Variants in TENM4 observed in about 807,000 individuals in gnomAD.
TENM4 encodes the protein teneurin-4.
Under a neutral mutation model 243.3 loss-of-function variants are expected in TENM4, and 82 were observed. That is an observed-to-expected ratio of 0.34 (90% CI 0.28 to 0.40). The LOEUF (loss-of-function observed/expected upper bound fraction) is 0.40, where lower values mean the gene tolerates loss of function less well. Ranked by LOEUF, TENM4 falls within the 10% of genes least tolerant of loss-of-function variation. The probability of loss-of-function intolerance (pLI) is 1.00; values close to 1 mark genes in which losing one functional copy is unlikely to be tolerated. For synonymous variants in TENM4, 1,412 were observed against 1,456.3 expected, an observed-to-expected ratio of 0.97 and a Z score of 0.69; for missense variants, 3,138 against 3,673.3, an observed-to-expected ratio of 0.85 and a Z score of 3.77.
At chr11:79,155,195 G>A (rs963906834) in intron 3 of TENM4, among the ~76,000 whole-genome samples, 13 of 152,178 alleles carry the variant, frequency 8.5e-5, no homozygotes, top group Non-Finnish European at 1.9e-4. Flanking sequence ...AAGAGGGACA[G>A]ATCCGGAGTA....
chr11:78,856,875 A>G (rs1858693200), intron 10 of TENM4, among the ~76,000 whole-genome samples: 1 of 152,202 alleles, frequency 6.6e-6, no homozygotes. Context: ...CCAAGTTCAC[A>G]CACCAAGCCT....
chr11:78,705,799 A>G (rs1048146433), intron 27 of TENM4, among the ~76,000 whole-genome samples: 1 of 152,206 alleles, frequency 6.6e-6, no homozygotes, highest in Non-Finnish European at 1.5e-5. Context: ...CAATTGCTAC[A>G]TGTGTCACCT....
intron 3 of TENM4, among the ~76,000 whole-genome samples, chr11:79,150,372 A>G (rs1315589267): frequency 6.6e-6 from 1 of 152,130 alleles, no homozygotes; most frequent in Non-Finnish European, 1.5e-5. Context: ...ATGTCTATCA[A>G]AGCAGGCATG....
intron 4 of TENM4, among the ~76,000 whole-genome samples, chr11:79,147,651 T>C (rs1862418616): frequency 6.6e-6 from 1 of 152,074 alleles, no homozygotes; most frequent in South Asian, 2.1e-4. Flanking sequence ...TTACTTATAA[T>C]CATACTAGCA....
At chr11:79,249,866 C>G (rs559896338) in intron 2 of TENM4, among the ~76,000 whole-genome samples, 1 of 152,208 alleles carries the variant, frequency 6.6e-6, no homozygotes, top group Non-Finnish European at 1.5e-5. Context: ...GTAACTGGCA[C>G]CAAATAGGAG....
intron 6 of TENM4, among the ~76,000 whole-genome samples, chr11:79,010,888 G>A (rs1010382049): frequency 2.0e-5 from 3 of 152,150 alleles, no homozygotes; most frequent in Admixed American, 2.0e-4. Flanking sequence ...CAATGTTTAG[G>A]AGAAAGAAGA....
intron 20 of TENM4, among the ~76,000 whole-genome samples, chr11:78,736,610 T>C (rs747265983): frequency 2.6e-5 from 4 of 152,182 alleles, no homozygotes; most frequent in Non-Finnish European, 5.9e-5. Flanking sequence ...TTCCAGACTA[T>C]ATCTCTTAGT....
intron 28 of TENM4, among the ~76,000 whole-genome samples, chr11:78,694,348 C>G (rs181493850): frequency 8.7e-4 from 132 of 152,318 alleles, no homozygotes; most frequent in Admixed American, 1.6e-3. Context: ...GTTCCCCTGG[C>G]CCATGTCACT....
chr11:78,817,191 A>G (rs557861487), intron 12 of TENM4, among the ~76,000 whole-genome samples: 2 of 152,308 alleles, frequency 1.3e-5, no homozygotes, highest in Non-Finnish European at 2.9e-5. Context: ...CGTGGGCTTG[A>G]AAAATGGCTT....
chr11:79,050,230 G>A (rs1859760780), intron 6 of TENM4, among the ~76,000 whole-genome samples: 1 of 152,178 alleles, frequency 6.6e-6, no homozygotes, highest in Non-Finnish European at 1.5e-5. Flanking sequence ...GACTCTTGAA[G>A]AGCTTTTGAA....
At chr11:79,432,713 T>G (rs1859194111) in intron 1 of TENM4, among the ~76,000 whole-genome samples, 1 of 152,224 alleles carries the variant, frequency 6.6e-6, no homozygotes, top group South Asian at 2.1e-4. Context: ...AATTTTTACA[T>G]GTCTCGATCC....
chr11:78,844,783 C>T (rs1445080787), intron 12 of TENM4, among the ~76,000 whole-genome samples: 2 of 152,300 alleles, frequency 1.3e-5, no homozygotes, highest in South Asian at 2.1e-4. Context: ...ACCAACCCTG[C>T]CAGTACCTTG....
chr11:78,865,818 C>T (rs1444722753), intron 9 of TENM4, among the ~76,000 whole-genome samples: 1 of 152,194 alleles, frequency 6.6e-6, no homozygotes, highest in Non-Finnish European at 1.5e-5. Flanking sequence ...AGGAAAGAAA[C>T]TAGTTTTGAA....
At chr11:79,256,034 T>C (rs1855695736) in intron 2 of TENM4, among the ~76,000 whole-genome samples, 1 of 152,204 alleles carries the variant, frequency 6.6e-6, no homozygotes, top group African/African-American at 2.4e-5. Context: ...CGGTTAGGGT[T>C]AGGCTATTGG....
intron 3 of TENM4, among the ~76,000 whole-genome samples, chr11:79,163,810 C>CAT (rs1199270167): frequency 4.7e-5 from 6 of 127,912 alleles, no homozygotes; most frequent in African/African-American, 9.1e-5. Flanking sequence ...TATATATACA[C>CAT]ATATATATAC....
chr11:79,053,532 T>C (rs1179787321), intron 6 of TENM4, among the ~76,000 whole-genome samples: 2 of 152,224 alleles, frequency 1.3e-5, no homozygotes, highest in African/African-American at 4.8e-5. Flanking sequence ...TCATCTTTTC[T>C]TAATCTCACA....
At chr11:78,915,039 C>T (rs1856283885) in intron 6 of TENM4, among the ~76,000 whole-genome samples, 1 of 152,192 alleles carries the variant, frequency 6.6e-6, no homozygotes, top group Admixed American at 6.5e-5. Flanking sequence ...GACCCCCCAC[C>T]ATCCGGCATG....
chr11:79,154,718 C>G (rs913275421), intron 3 of TENM4, among the ~76,000 whole-genome samples: 2 of 152,066 alleles, frequency 1.3e-5, no homozygotes, highest in Non-Finnish European at 2.9e-5. Flanking sequence ...GCTCCTTGGC[C>G]CCTCAGAGGA....
rs1228595006 is a variant in TENM4 at position 78,891,318 on chromosome 11, T to G, written c.768A>C (p.Pro256=). The G allele has an allele frequency of 2.6e-6, 4 of 1,551,500 alleles. No individual in the cohort carries two copies. In the East Asian group the frequency reaches 9.8e-5, roughly 38 times the overall value. The change falls in exon 8 of 34, where the codon CCA becomes CCC. Residue 256 remains proline, a synonymous_variant. Transcript: ENST00000278550. The part of the protein sequence containing the change: ...PLETRNLGKQ[P]FLGTLQDNLI... ...GGTTGTCCTGCAATGTCCCTAGGAA[T>G]GGCTGCTTGCCTAGGTTTCTACGCA...
Sources: allele counts gnomAD v4.1 joint callset (sites outside exome capture counted in the v4.1 genomes callset), GRCh38; gene constraint gnomAD v4.1.1; transcripts MANE v1.5; gene names NCBI Gene and HGNC (gene_info 2026-07-23, HGNC 2026-07-21).